The following PUS10 variants were observed in gnomAD, a reference collection of about 807,000 sequenced individuals.
PUS10 encodes tRNA pseudouridine synthase Pus10.
In PUS10, 59 loss-of-function variants were observed where a neutral mutation model predicts 75.0. The observed-to-expected ratio is 0.79, with a 90% CI of 0.64 to 0.98. The LOEUF (loss-of-function observed/expected upper bound fraction) is 0.98, where lower values mean the gene tolerates loss of function less well. PUS10 is among the 50% of genes least tolerant of loss of function. PUS10 has a pLI of 0.00. For missense variants in PUS10, 650 were observed against 614.4 expected (o/e 1.06, Z -0.61); for synonymous variants, 219 against 211.6 (o/e 1.03, Z -0.30).
intron 11 of PUS10, among the ~76,000 whole-genome samples, chr2:60,956,697 T>C (rs533798879): frequency 1.1e-4 from 17 of 151,982 alleles, no homozygotes; most frequent in African/African-American, 3.1e-4. Flanking sequence ...CAAACCAGGC[T>C]GGGTGCGGTG....
In PUS10 at chr2:60,982,840, T is replaced by C. The variant is rs558016622; in HGVS notation, c.469-11283A>G. On this transcript the variant is annotated intron_variant, in intron 4 of 17. Transcript: ENST00000316752. The stretch of plus-strand genomic sequence containing the variant: ...AAATAAAATATTAAGTCGAATTTTT[T>C]TTTTTTTGAGACAGGGTCTCTTTCT... Among the ~76,000 whole-genome samples the C allele has an allele frequency of 5.0e-4, 76 of 152,182 alleles. 1 individual carries two copies. In the South Asian group the frequency reaches 0.012, roughly 25 times the overall value.
Position 61,018,074 on chromosome 2 carries a change from G to C in PUS10, c.-82C>G, listed in dbSNP as rs1001199289. 28 of 1,501,428 alleles carry C rather than the reference G, an allele frequency of 1.9e-5. No individual in the cohort carries two copies. The Admixed American group carries it at 3.1e-4, about 16-fold the overall frequency. 93.0% of individuals were successfully genotyped at this position (1,501,428 alleles called of 1,614,324 possible). ...AGCTCTAATCAGCAACGTTTTTTTC[G>C]GGAGCTCCTGGGCGTCTCTCTGGGT... On this transcript the variant is annotated 5_prime_UTR_variant, in exon 1 of 18. Coordinates refer to ENST00000316752, the MANE Select transcript of PUS10 (RefSeq NM_144709.4).
intron 8 of PUS10, among the ~76,000 whole-genome samples, chr2:60,964,570 T>G (rs1676224776): frequency 1.3e-5 from 2 of 152,200 alleles, no homozygotes; most frequent in African/African-American, 4.8e-5. Context: ...AAATGCCCTT[T>G]TTGCAAATGT....
intron 15 of PUS10, 99 bp downstream of exon 15, chr2:60,952,898 C>T: frequency 1.4e-6 from 1 of 716,914 alleles, no homozygotes. Context: ...GACCCCAAAG[C>T]CCATGCCCTG....
At chr2:61,004,820 C>T (rs1314631579) in intron 4 of PUS10, among the ~76,000 whole-genome samples, 2 of 151,976 alleles carry the variant, frequency 1.3e-5, no homozygotes, top group African/African-American at 2.4e-5. Flanking sequence ...ACAAATAAAA[C>T]AATAAAACAT....
chr2:60,954,911 G>A, intron 12 of PUS10, 107 bp downstream of exon 12: 1 of 661,006 alleles, frequency 1.5e-6, no homozygotes, highest in Non-Finnish European at 2.5e-6. Flanking sequence ...GAAGCTCTGG[G>A]CCTTGCTCAC....
intron 4 of PUS10, among the ~76,000 whole-genome samples, chr2:60,997,472 G>A (rs1022736879): frequency 6.6e-5 from 10 of 151,896 alleles, no homozygotes; most frequent in African/African-American, 1.5e-4. Context: ...TAGCCAGGCC[G>A]GGTGGCAGGC....
At chr2:60,977,785 G>C (rs1404320638) in intron 4 of PUS10, among the ~76,000 whole-genome samples, 3 of 152,086 alleles carry the variant, frequency 2.0e-5, no homozygotes, top group African/African-American at 7.2e-5. Flanking sequence ...GGCAGGCTCT[G>C]CTTCTCTTAT....
intron 4 of PUS10, among the ~76,000 whole-genome samples, chr2:60,991,290 G>T (rs982733169): frequency 2.6e-5 from 4 of 152,134 alleles, no homozygotes; most frequent in Non-Finnish European, 5.9e-5. Flanking sequence ...GAATATGTAG[G>T]TAAATCTGTG....
chr2:61,012,695 A>G (rs896723352), intron 1 of PUS10, among the ~76,000 whole-genome samples: 3 of 149,346 alleles, frequency 2.0e-5, no homozygotes, highest in Non-Finnish European at 4.5e-5. Flanking sequence ...TTTGCCGGGC[A>G]TGGTGGCAAG....
At chr2:60,990,408 G>A (rs967935627) in intron 4 of PUS10, among the ~76,000 whole-genome samples, 2 of 152,172 alleles carry the variant, frequency 1.3e-5, no homozygotes, top group African/African-American at 4.8e-5. Context: ...TGAGCCAGGT[G>A]TTTTGAGCAG....
In PUS10 at chr2:60,967,604, A is replaced by T. The variant is rs1205865209; in HGVS notation, c.513T>A (p.Ser171Arg). 6.3e-7 allele frequency: 1 copy of T among 1,596,800 alleles called. No homozygotes were observed. The highest frequency in any genetic ancestry group is 1.8e-5 in the Admixed American group (1 of 56,204). The change falls in exon 6 of 18, where the codon AGT becomes AGA. Residue 171 changes from serine (S) to arginine (R), a missense_variant. Coordinates refer to ENST00000316752, the MANE Select transcript of PUS10 (RefSeq NM_144709.4). ...CTATATCATCTCTTCCCAGCGACAG[A>T]CTCTGCTTTCTGAATAACATAAAAA... Reference protein sequence around the residue: ...LLVKQEMGKQSLSLGRDDIVQ... With the variant: ...LLVKQEMGKQRLSLGRDDIVQ...
chr2:60,976,308 T>C (rs888100683), intron 4 of PUS10, among the ~76,000 whole-genome samples: 4 of 152,250 alleles, frequency 2.6e-5, no homozygotes, highest in Admixed American at 6.5e-5. Context: ...TTCCGTCATA[T>C]TTCCAAACTG....
chr2:60,994,593 T>C (rs1002122323), intron 4 of PUS10, among the ~76,000 whole-genome samples: 5 of 152,194 alleles, frequency 3.3e-5, no homozygotes, highest in Admixed American at 1.3e-4. Context: ...TTTTAGAGAA[T>C]CACAAAATAA....
At chr2:61,015,262 G>C (rs1017108581) in intron 1 of PUS10, among the ~76,000 whole-genome samples, 16 of 152,192 alleles carry the variant, frequency 1.1e-4, no homozygotes, top group Admixed American at 1.0e-3. Context: ...CACTTTGGGA[G>C]GCCGAGGCAG....
At chr2:60,982,833 A>G (rs1162068722) in intron 4 of PUS10, among the ~76,000 whole-genome samples, 2 of 151,664 alleles carry the variant, frequency 1.3e-5, no homozygotes, top group Non-Finnish European at 2.9e-5. Flanking sequence ...TATTAAGTCG[A>G]ATTTTTTTTT....
chr2:60,985,604 G>A (rs906890351), intron 4 of PUS10, among the ~76,000 whole-genome samples: 6 of 151,980 alleles, frequency 3.9e-5, no homozygotes, highest in African/African-American at 9.7e-5. Flanking sequence ...GGGTTCAAGC[G>A]ATTCTAACAC....
At position 60,962,879 on chromosome 2, in the gene PUS10, A is replaced by G; in HGVS notation, c.735T>C (p.Thr245=). 3.8e-6 allele frequency: 6 copies of G among 1,569,614 alleles called. No homozygotes were observed. Among genetic ancestry groups the G allele is most frequent in the Non-Finnish European group, 5.2e-6 (6 of 1,164,292 alleles). Residue 245 remains threonine, a synonymous_variant, in exon 9 of 18, where the codon ACT becomes ACC. Transcript: ENST00000316752. ...TCAAGGCTTTCATAACTGCCATTCT[A>G]GTGAATACAGACTATATAGGGTAAA... ...KPAKNKQSVF[T]RMAVMKALNK... is the part of the protein sequence containing the mutation.
intron 10 of PUS10, 119 bp downstream of exon 10, chr2:60,961,344 G>A: frequency 2.5e-6 from 2 of 796,552 alleles, no homozygotes; most frequent in Admixed American, 2.2e-5. Context: ...CTTCTCAAGA[G>A]AGTAAACTTA....
Sources: gnomAD v4.1 joint callset for allele counts (sites outside exome capture counted in the v4.1 genomes callset) on GRCh38, gnomAD v4.1.1 for gene constraint, MANE v1.5 for transcripts, NCBI Gene and HGNC (gene_info 2026-07-23, HGNC 2026-07-21) for gene names.